Variants in EIF2S3B observed in about 807,000 individuals in gnomAD.
EIF2S3B encodes eukaryotic translation initiation factor 2 subunit 3B.
EIF2S3B carries 16 observed loss-of-function variants against 26.4 expected under a neutral mutation model. The observed-to-expected ratio is 0.61, with a 90% CI of 0.41 to 0.92. The LOEUF (loss-of-function observed/expected upper bound fraction) is 0.92. EIF2S3B is among the 40% of genes least tolerant of loss of function. EIF2S3B has a pLI of 0.00. For missense variants in EIF2S3B, 510 were observed against 575.5 expected (o/e 0.89, Z 1.16); for synonymous variants, 183 against 204.4 (o/e 0.90, Z 0.89).
chr12:10,508,796 G>C (rs1229013589), downstream of EIF2S3B, among the ~76,000 whole-genome samples: 4 of 151,698 alleles, frequency 2.6e-5, no homozygotes, highest in East Asian at 1.9e-4. Flanking sequence ...TGAAACCATA[G>C]ACTCATAGAA....
chr12:10,514,057 T>G (rs2137949379), intron 1 of EIF2S3B, among the ~76,000 whole-genome samples: 1 of 152,122 alleles, frequency 6.6e-6, no homozygotes, highest in Admixed American at 6.6e-5. Flanking sequence ...ATCATGTAGC[T>G]CTCCATACTT....
downstream of EIF2S3B, among the ~76,000 whole-genome samples, chr12:10,509,388 C>A (rs932783185): frequency 6.6e-6 from 1 of 152,014 alleles, no homozygotes. Flanking sequence ...GAAAAATCAT[C>A]AATTTTTACC....
intron 1 of EIF2S3B, among the ~76,000 whole-genome samples, chr12:10,519,537 T>C (rs374102151): frequency 9.9e-5 from 15 of 151,992 alleles, no homozygotes; most frequent in East Asian, 7.7e-4. Flanking sequence ...AGAGCTTCTG[T>C]ACAGCAAAAG....
chr12:10,522,425 TA>T (rs1864842262), intron 1 of EIF2S3B, among the ~76,000 whole-genome samples: 1 of 152,188 alleles, frequency 6.6e-6, no homozygotes, highest in Non-Finnish European at 1.5e-5. Flanking sequence ...TATGCAGTTT[TA>T]AAAAGAGTAT....
chr12:10,508,448 T>C lies in EIF2S3B; in HGVS notation c.*1127T>C, dbSNP rs1406026944. Among the ~76,000 whole-genome samples, 3 of 143,736 alleles carry C rather than the reference T, an allele frequency of 2.1e-5. No homozygotes were observed. The highest frequency in any genetic ancestry group is 3.0e-5 in the Non-Finnish European group (2 of 66,954). The allele number at this position is 143,736 out of a possible 152,430, so 94.3% of individuals were successfully genotyped here. On this transcript the variant is annotated 3_prime_UTR_variant, in exon 1 of 1. Transcript: ENST00000538173. ...ATTTTATGTTTTTTCTTAACTGTTA[T>C]ATGATTGTGACACAGATTATAATAT... is the stretch of plus-strand genomic sequence containing the variant.
chr12:10,506,318 A>G lies in EIF2S3B; in HGVS notation c.416A>G (p.Asp139Gly), dbSNP rs1864628631. ...HVSFVDCPGHDILMATMLNGA... is the reference protein window; with the variant it reads ...HVSFVDCPGHGILMATMLNGA... ...TCCTTTGTTGACTGTCCTGGCCACG[A>G]TATTTTGATGGCTACTATGCTGAAC... The change falls in exon 1 of 1, where the codon GAT (aspartate) becomes GGT (glycine). Residue 139 changes from aspartate to glycine, a missense_variant. Asp to Gly is a moderately conservative substitution (Grantham distance 94). Transcript: ENST00000538173. The G allele has an allele frequency of 1.2e-6, 2 of 1,614,106 alleles. No individual in the cohort carries two copies. The highest frequency in any genetic ancestry group is 2.2e-5 in the East Asian group (1 of 44,878).
intron 1 of EIF2S3B, among the ~76,000 whole-genome samples, chr12:10,514,421 T>C (rs1864734943): frequency 1.3e-5 from 2 of 152,204 alleles, no homozygotes; most frequent in African/African-American, 4.8e-5. Context: ...TTATATTAAT[T>C]GATAATTCCA....
At chr12:10,522,045 AAAAC>A (rs538643278) in intron 1 of EIF2S3B, among the ~76,000 whole-genome samples, 69 of 152,380 alleles carry the variant, frequency 4.5e-4, no homozygotes, top group Admixed American at 1.2e-3. Context: ...ATATTATACT[AAAAC>A]AAAACCCAGA....
chr12:10,508,876 A>G (rs560804994), downstream of EIF2S3B, among the ~76,000 whole-genome samples: 122 of 152,220 alleles, frequency 8.0e-4, no homozygotes, highest in African/African-American at 2.8e-3. Context: ...AAATTCTTAG[A>G]AAAGTTGTTA....
chr12:10,522,736 C>A, exon 2 of EIF2S3B: 2 of 678,478 alleles, frequency 2.9e-6, no homozygotes, highest in Admixed American at 2.1e-5. Flanking sequence ...CAAAAGAAAA[C>A]ATGATCCCCT....
intron 1 of EIF2S3B, among the ~76,000 whole-genome samples, chr12:10,521,198 C>G (rs980799504): frequency 2.0e-5 from 3 of 152,142 alleles, no homozygotes; most frequent in African/African-American, 7.2e-5. Flanking sequence ...TCAACACAGT[C>G]TGCAATCTGC....
At chr12:10,515,423 T>C (rs991441547) in intron 1 of EIF2S3B, among the ~76,000 whole-genome samples, 3 of 152,058 alleles carry the variant, frequency 2.0e-5, no homozygotes, top group Non-Finnish European at 4.4e-5. Flanking sequence ...CCAAAGTTGT[T>C]TGTTGAATGA....
In EIF2S3B at chr12:10,508,163, A is replaced by G. The variant is rs1250215593; in HGVS notation, c.*842A>G. ...AATGAATGGGTTCGAATTGCATGAA[A>G]AGGATGCACGAATGGGTTCGAATGA... On this transcript the variant is annotated 3_prime_UTR_variant, in exon 1 of 1. Transcript: ENST00000538173. Among the ~76,000 whole-genome samples the G allele has an allele frequency of 6.6e-6, 1 of 152,138 alleles. No homozygotes were observed. Among genetic ancestry groups the G allele is most frequent in the Non-Finnish European group, 1.5e-5 (1 of 68,012 alleles).
intron 1 of EIF2S3B, among the ~76,000 whole-genome samples, chr12:10,520,352 G>T (rs1322818130): frequency 1.5e-5 from 2 of 131,458 alleles, no homozygotes; most frequent in African/African-American, 5.8e-5. Flanking sequence ...ACACTCTGGG[G>T]ACTGTTGTGG....
downstream of EIF2S3B, among the ~76,000 whole-genome samples, chr12:10,512,362 T>C (rs1168935196): frequency 6.6e-6 from 1 of 152,142 alleles, no homozygotes. Context: ...CACAAAACTG[T>C]ACAGATGCAG....
At chr12:10,522,682 C>T in exon 2 of EIF2S3B, 1 of 693,622 alleles carries the variant, frequency 1.4e-6, no homozygotes, top group Admixed American at 2.0e-5. Flanking sequence ...AGGAAGTCTG[C>T]AGCAAACTTC....
At chr12:10,517,966 G>A (rs1320893749) in intron 1 of EIF2S3B, among the ~76,000 whole-genome samples, 2 of 151,862 alleles carry the variant, frequency 1.3e-5, no homozygotes, top group African/African-American at 4.8e-5. Flanking sequence ...TTGCACTGTG[G>A]TCTGAGAGAC....
At position 10,507,088 on chromosome 12, in the gene EIF2S3B, C is replaced by T; in HGVS notation, c.1186C>T (p.Gln396Ter). Reference protein sequence around the residue: ...TEGDKKAAKVQKLSKNEVLMV... With the variant: ...TEGDKKAAKV Reference sequence around the variant, plus strand: ...AGGAGACAAGAAAGCAGCAAAGGTTCAAAAGCTGTCTAAGAATGAAGTGCT... The same window carrying T: ...AGGAGACAAGAAAGCAGCAAAGGTTTAAAAGCTGTCTAAGAATGAAGTGCT... Residue 396 changes from glutamine to a stop codon, truncating the protein, a stop_gained, in exon 1 of 1, where the codon CAA becomes TAA. Coordinates refer to ENST00000538173, the MANE Select transcript of EIF2S3B (RefSeq NM_001357734.3). LOFTEE classifies it high-confidence loss of function. The T allele has an allele frequency of 6.2e-7, 1 of 1,613,750 alleles. No homozygotes were observed. Among genetic ancestry groups the T allele is most frequent in the East Asian group, 2.2e-5 (1 of 44,882 alleles).
chr12:10,514,099 T>A (rs1011082683), intron 1 of EIF2S3B, among the ~76,000 whole-genome samples: 5 of 152,180 alleles, frequency 3.3e-5, no homozygotes, highest in African/African-American at 1.2e-4. Flanking sequence ...TTCTTAGCCA[T>A]AATTTAAAAA....
Sources: allele counts gnomAD v4.1 joint callset (sites outside exome capture counted in the v4.1 genomes callset), GRCh38; gene constraint gnomAD v4.1.1; transcripts MANE v1.5; gene names NCBI Gene and HGNC (gene_info 2026-07-23, HGNC 2026-07-21).